CNTNAP5: variants seen among roughly 807,000 people sequenced by gnomAD.
The protein encoded by CNTNAP5 is contactin-associated protein-like 5.
A neutral mutation model predicts 150.2 loss-of-function variants in CNTNAP5; 72 were observed. The observed-to-expected ratio is 0.48, with a 90% CI of 0.40 to 0.58. The LOEUF (loss-of-function observed/expected upper bound fraction) is 0.58, where lower values mean the gene tolerates loss of function less well. Ranked by LOEUF, CNTNAP5 falls within the 20% of genes least tolerant of loss-of-function variation. CNTNAP5 has a pLI of 0.00. For missense variants in CNTNAP5, 1,636 were observed against 1,626.2 expected, an observed-to-expected ratio of 1.01 and a Z score of -0.10; for synonymous variants, 672 against 619.8, an observed-to-expected ratio of 1.08 and a Z score of -1.25.
At chr2:124,189,613 A>G (rs1685413537) in intron 1 of CNTNAP5, among the ~76,000 whole-genome samples, 1 of 152,240 alleles carries the variant, frequency 6.6e-6, no homozygotes, top group African/African-American at 2.4e-5. Context: ...CTTCATTAAC[A>G]TAATTTTACC....
chr2:124,452,653 A>G (rs1278259803), intron 6 of CNTNAP5, among the ~76,000 whole-genome samples: 2 of 152,130 alleles, frequency 1.3e-5, no homozygotes, highest in Non-Finnish European at 2.9e-5. Context: ...AGGCCCCTGC[A>G]ACCTCCACTG....
intron 18 of CNTNAP5, 88 bp downstream of exon 18, chr2:124,790,229 C>T (rs1681697096): frequency 1.5e-6 from 2 of 1,342,334 alleles, no homozygotes; most frequent in Admixed American, 2.6e-5. Context: ...CACTCTGAGA[C>T]AGTCTTTATC....
chr2:124,171,864 G>A (rs914384276), intron 1 of CNTNAP5, among the ~76,000 whole-genome samples: 1 of 152,202 alleles, frequency 6.6e-6, no homozygotes, highest in African/African-American at 2.4e-5. Flanking sequence ...TTAGATGTAA[G>A]CCAGTCTCTT....
intron 7 of CNTNAP5, among the ~76,000 whole-genome samples, chr2:124,499,007 AG>A (rs1474118616): frequency 6.6e-6 from 1 of 152,218 alleles, no homozygotes; most frequent in Non-Finnish European, 1.5e-5. Flanking sequence ...CACCCAGAAA[AG>A]CATCAGATCT....
At chr2:124,449,087 G>A (rs1692901087) in intron 6 of CNTNAP5, among the ~76,000 whole-genome samples, 1 of 152,162 alleles carries the variant, frequency 6.6e-6, no homozygotes, top group Non-Finnish European at 1.5e-5. Context: ...TCACTATCAT[G>A]AGAATAAGAG....
intron 13 of CNTNAP5, among the ~76,000 whole-genome samples, chr2:124,723,213 A>G (rs1680084927): frequency 1.3e-5 from 2 of 152,312 alleles, no homozygotes; most frequent in Admixed American, 1.3e-4. Context: ...TAGCTTTGAC[A>G]GTTTGTGTAG....
intron 10 of CNTNAP5, among the ~76,000 whole-genome samples, chr2:124,562,094 C>T (rs1695907584): frequency 6.6e-6 from 1 of 152,074 alleles, no homozygotes; most frequent in Non-Finnish European, 1.5e-5. Flanking sequence ...CCCAAAGGCA[C>T]CATGTAGTAA....
At chr2:124,045,854 A>C (rs930939711) in intron 1 of CNTNAP5, among the ~76,000 whole-genome samples, 1 of 152,182 alleles carries the variant, frequency 6.6e-6, no homozygotes. Flanking sequence ...GAGTCTTGCT[A>C]TGGGTGCCAC....
chr2:124,908,368 C>T (rs1678583731), intron 22 of CNTNAP5, among the ~76,000 whole-genome samples: 1 of 151,284 alleles, frequency 6.6e-6, no homozygotes, highest in South Asian at 2.1e-4. Flanking sequence ...GAGACTCAGT[C>T]TCAATAAAAA....
At chr2:124,631,098 C>A (rs755899723) in intron 12 of CNTNAP5, among the ~76,000 whole-genome samples, 35 of 151,996 alleles carry the variant, frequency 2.3e-4, no homozygotes, top group Admixed American at 3.3e-4. Flanking sequence ...TGGAAAAACA[C>A]TACATGCTCA....
intron 10 of CNTNAP5, among the ~76,000 whole-genome samples, chr2:124,553,191 A>T (rs1695669920): frequency 6.6e-6 from 1 of 152,192 alleles, no homozygotes; most frequent in South Asian, 2.1e-4. Context: ...AAGGCTGTAA[A>T]GGGACAATGT....
At chr2:124,533,441 GC>G (rs1266373695) in intron 10 of CNTNAP5, among the ~76,000 whole-genome samples, 1 of 152,216 alleles carries the variant, frequency 6.6e-6, no homozygotes, top group Non-Finnish European at 1.5e-5. Flanking sequence ...TGGCCTGGTG[GC>G]CGTACTCTGA....
At chr2:124,059,357 C>T (rs17010790) in intron 1 of CNTNAP5, among the ~76,000 whole-genome samples, 15,570 of 152,142 alleles carry the variant, frequency 0.1, 914 homozygotes, top group East Asian at 0.29. Flanking sequence ...ATAAGGTCTC[C>T]CTCTAATCAC....
At chr2:124,070,395 G>C (rs1422535156) in intron 1 of CNTNAP5, among the ~76,000 whole-genome samples, 1 of 95,818 alleles carries the variant, frequency 1.0e-5, no homozygotes, top group Non-Finnish European at 2.0e-5. Flanking sequence ...GGCTGAATGG[G>C]GAAAAAAAAA....
intron 3 of CNTNAP5, among the ~76,000 whole-genome samples, chr2:124,242,701 T>C (rs532680224): frequency 1.3e-5 from 2 of 152,146 alleles, no homozygotes; most frequent in South Asian, 2.1e-4. Context: ...TACCAAAAAG[T>C]ACGATTATTA....
intron 1 of CNTNAP5, among the ~76,000 whole-genome samples, chr2:124,128,685 G>T (rs989003914): frequency 1.3e-5 from 2 of 152,126 alleles, no homozygotes; most frequent in African/African-American, 4.8e-5. Flanking sequence ...TGATATACTG[G>T]ATTAAGAAAA....
At chr2:124,898,376 T>C (rs574144568) in intron 21 of CNTNAP5, among the ~76,000 whole-genome samples, 85 of 151,518 alleles carry the variant, frequency 5.6e-4, no homozygotes, top group Non-Finnish European at 1.2e-3. Context: ...AAAACACACA[T>C]ACACACACAA....
intron 1 of CNTNAP5, among the ~76,000 whole-genome samples, chr2:124,101,141 A>T (rs1004127284): frequency 6.6e-6 from 1 of 152,224 alleles, no homozygotes; most frequent in East Asian, 1.9e-4. Flanking sequence ...CACAATAATC[A>T]TGTTGCTCAG....
chr2:124,813,290 G>T (rs1423837134), intron 19 of CNTNAP5, among the ~76,000 whole-genome samples: 1 of 151,838 alleles, frequency 6.6e-6, no homozygotes. Context: ...TTTTAGCCAG[G>T]ATGGTCTCGA....
Sources: gnomAD v4.1 joint callset for allele counts (sites outside exome capture counted in the v4.1 genomes callset) on GRCh38, gnomAD v4.1.1 for gene constraint, MANE v1.5 for transcripts, NCBI Gene and HGNC (gene_info 2026-07-23, HGNC 2026-07-21) for gene names.